The following DOP1A variants were observed in gnomAD, a reference collection of about 807,000 sequenced individuals.
DOP1A encodes DOP1 leucine zipper like protein A.
A neutral mutation model predicts 267.6 loss-of-function variants in DOP1A; 90 were observed. That is an observed-to-expected ratio of 0.34 (90% CI 0.28 to 0.40). DOP1A has a LOEUF of 0.40. Ranked by LOEUF, DOP1A falls within the 10% of genes least tolerant of loss-of-function variation. The pLI is 1.00. For missense variants in DOP1A, 2,437 were observed against 2,900.4 expected (o/e 0.84, Z 3.67); for synonymous variants, 932 against 999.1 (o/e 0.93, Z 1.27).
At chr6:83,146,439 A>G (rs974338675) in intron 25 of DOP1A, among the ~76,000 whole-genome samples, 33 of 152,152 alleles carry the variant, frequency 2.2e-4, no homozygotes, top group Admixed American at 1.4e-3. Flanking sequence ...CAGTGTCCTT[A>G]TTAAGTTTTT....
At chr6:83,099,395 A>G (rs1177847301) in intron 3 of DOP1A, among the ~76,000 whole-genome samples, 1 of 152,212 alleles carries the variant, frequency 6.6e-6, no homozygotes, top group Non-Finnish European at 1.5e-5. Flanking sequence ...AACATCCACA[A>G]GAAATTCCAT....
Position 83,140,300 on chromosome 6 carries a change from C to G in DOP1A, c.5312C>G (p.Ser1771Cys), listed in dbSNP as rs771613342. 5.6e-6 allele frequency: 9 copies of G among 1,613,674 alleles called. No homozygotes were observed. The East Asian group carries it at 2.0e-4, about 36-fold the overall frequency. Residue 1771 changes from serine to cysteine, a missense_variant, in exon 23 of 39, where the codon TCT becomes TGT. Coordinates refer to ENST00000349129, the MANE Select transcript of DOP1A (RefSeq NM_015018.4). The stretch of plus-strand genomic sequence containing the variant: ...TCAATCCTTCATATGATCATGTCCT[C>G]TGTGACACTGCTTTGGAGCATACTG... ...ILSILHMIMS[S>C]VTLLWSILHQ...
At chr6:83,169,319 C>T (rs766676361), downstream of DOP1A, 69 of 1,613,548 alleles carry the variant, frequency 4.3e-5, 2 homozygotes, top group South Asian at 7.1e-4. Flanking sequence ...GTGATCTGCA[C>T]TTTCCTGCAA....
intron 1 of DOP1A, among the ~76,000 whole-genome samples, chr6:83,081,936 G>A (rs1355517686): frequency 1.3e-5 from 2 of 152,190 alleles, no homozygotes; most frequent in South Asian, 2.1e-4. Flanking sequence ...AAGGCTCAAC[G>A]TCACTAATCA....
At chr6:83,139,807 G>C (rs751585235) in intron 21 of DOP1A, among the ~76,000 whole-genome samples, 193 bp from the exon 22 acceptor site, 1 of 151,976 alleles carries the variant, frequency 6.6e-6, no homozygotes, top group Non-Finnish European at 1.5e-5. Context: ...AAGAACTCTA[G>C]TACATTTAGT....
At chr6:83,140,146 G>T (rs775662666) in intron 22 of DOP1A, 35 bp downstream of exon 22, 2 of 1,605,306 alleles carry the variant, frequency 1.2e-6, no homozygotes, top group Non-Finnish European at 8.5e-7. Context: ...TCTTTTGAAA[G>T]ACTGTGAGGT....
rs1474365266 is a variant in DOP1A, at chr6:83,096,864, G to A, written c.-54+41G>A. ...AAGTTAGTCATTACCTTTGTAGTAA[G>A]ATCATATGAACCCGTTTTAATACTT... is the stretch of plus-strand genomic sequence containing the variant. On this transcript the variant is annotated intron_variant, in intron 2 of 38. Transcript: ENST00000349129. The A allele has an allele frequency of 2.4e-6, 3 of 1,248,206 alleles. No homozygotes were observed. The African/African-American group carries it at 4.5e-5, about 19-fold the overall frequency. 77.3% of individuals were successfully genotyped at this position (1,248,206 alleles called of 1,614,324 possible).
At chr6:83,120,003 G>T (rs958156153) in intron 9 of DOP1A, 146 bp downstream of exon 9, 3 of 566,706 alleles carry the variant, frequency 5.3e-6, no homozygotes, top group Non-Finnish European at 9.0e-6. Context: ...TTTATAACAA[G>T]AAAATTCCTG....
downstream of DOP1A, chr6:83,169,439 A>C: frequency 8.2e-7 from 1 of 1,220,130 alleles, no homozygotes; most frequent in Non-Finnish European, 1.1e-6. Context: ...ATTTTGTTTC[A>C]CTAACAAATT....
At chr6:83,159,633 T>C (rs1783759602) in intron 36 of DOP1A, 163 bp from the exon 37 acceptor site, 1 of 786,174 alleles carries the variant, frequency 1.3e-6, no homozygotes, top group Non-Finnish European at 2.1e-6. Flanking sequence ...AGTGAATTTT[T>C]GATTTGAAAA....
At chr6:83,147,683 T>C (rs1448060047) in intron 26 of DOP1A, among the ~76,000 whole-genome samples, 1 of 152,212 alleles carries the variant, frequency 6.6e-6, no homozygotes, top group Non-Finnish European at 1.5e-5. Flanking sequence ...TATAACTTCT[T>C]ACTCAAGAAC....
chr6:83,087,939 T>C (rs1361285464), intron 1 of DOP1A, among the ~76,000 whole-genome samples: 1 of 152,150 alleles, frequency 6.6e-6, no homozygotes, highest in Non-Finnish European at 1.5e-5. Context: ...TGGCGCGATC[T>C]CAGCTCACTG....
At chr6:83,098,732 C>G (rs1439912759) in intron 3 of DOP1A, among the ~76,000 whole-genome samples, 1 of 152,080 alleles carries the variant, frequency 6.6e-6, no homozygotes, top group African/African-American at 2.4e-5. Context: ...GTTCAGCTGG[C>G]CTGGACACTC....
chr6:83,105,825 T>G (rs1230669095), intron 4 of DOP1A, among the ~76,000 whole-genome samples: 2 of 152,232 alleles, frequency 1.3e-5, no homozygotes, highest in Non-Finnish European at 2.9e-5. Context: ...CAAGGCAAGA[T>G]TTACATAATT....
intron 38 of DOP1A, chr6:83,166,598 A>G: frequency 1.5e-6 from 1 of 672,836 alleles, no homozygotes; most frequent in Non-Finnish European, 2.3e-6. Context: ...GATGTATAAC[A>G]TAACCACATT....
intron 24 of DOP1A, among the ~76,000 whole-genome samples, chr6:83,143,745 T>G (rs1780009823): frequency 6.6e-6 from 1 of 151,936 alleles, no homozygotes; most frequent in Admixed American, 6.6e-5. Flanking sequence ...GAGATAAGAA[T>G]ATTAGAGGAG....
At chr6:83,097,892 T>C (rs930161767) in intron 3 of DOP1A, among the ~76,000 whole-genome samples, 6 of 151,336 alleles carry the variant, frequency 4.0e-5, no homozygotes, top group Admixed American at 2.0e-4. Flanking sequence ...TATTTTATTT[T>C]ATTTTCATTT....
chr6:83,074,996 T>G lies in DOP1A; in HGVS notation c.-147+7217T>G, dbSNP rs1766824659. ...ACTCCTTTTCCTGGGCCCTCATCCATCCAGTTACCACCTGTCTCCTAGGAA... is the reference window on the plus strand; with the variant it reads ...ACTCCTTTTCCTGGGCCCTCATCCAGCCAGTTACCACCTGTCTCCTAGGAA... On this transcript the variant is annotated intron_variant, in intron 1 of 38. Transcript: ENST00000349129. Among the ~76,000 whole-genome samples the G allele has an allele frequency of 2.0e-5, 3 of 152,348 alleles. No homozygotes were observed. In the South Asian group the frequency reaches 6.2e-4, roughly 32 times the overall value.
intron 1 of DOP1A, among the ~76,000 whole-genome samples, chr6:83,072,368 GC>G (rs1311770394): frequency 6.6e-6 from 1 of 151,874 alleles, no homozygotes; most frequent in Non-Finnish European, 1.5e-5. Context: ...ACAATCATTT[GC>G]TACTCACCAA....
Sources: allele counts gnomAD v4.1 joint callset (sites outside exome capture counted in the v4.1 genomes callset), GRCh38; gene constraint gnomAD v4.1.1; transcripts MANE v1.5; gene names NCBI Gene and HGNC (gene_info 2026-07-23, HGNC 2026-07-21).